CD8A: variants seen among roughly 807,000 people sequenced by gnomAD.
CD8A encodes the protein T-cell surface glycoprotein CD8 alpha chain.
CD8A carries 25 observed loss-of-function variants against 24.2 expected under a neutral mutation model. The ratio of observed to expected loss-of-function variants is 1.03; its 90% CI spans 0.75 to 1.44. The LOEUF (loss-of-function observed/expected upper bound fraction) is 1.44. Ranked by LOEUF, CD8A falls within the 40% of genes most tolerant of loss-of-function variation. The pLI, the probability that CD8A is intolerant of heterozygous loss-of-function variation, is 0.00. For synonymous variants in CD8A, 165 were observed against 149.9 expected (o/e 1.10, Z -0.74); for missense variants, 360 against 319.7 (o/e 1.13, Z -0.96).
At chr2:86,796,228 T>C (rs1673478699) in intron 3 of CD8A, among the ~76,000 whole-genome samples, 1 of 152,122 alleles carries the variant, frequency 6.6e-6, no homozygotes, top group Non-Finnish European at 1.5e-5. Flanking sequence ...GAGATGTATA[T>C]TAGCATGGTG....
intron 3 of CD8A, among the ~76,000 whole-genome samples, chr2:86,800,172 C>T (rs1673620610): frequency 6.6e-6 from 1 of 151,738 alleles, no homozygotes; most frequent in South Asian, 2.1e-4. Context: ...AAGATAAAAG[C>T]ATTTTGGCCA....
chr2:86,786,648 A>G (rs3020728), intron 5 of CD8A, among the ~76,000 whole-genome samples: 1 of 152,120 alleles, frequency 6.6e-6, no homozygotes, highest in Non-Finnish European at 1.5e-5. Flanking sequence ...ATTCATCTCA[A>G]AATGAGAGTT....
At chr2:86,789,001 C>A (rs1673141609) in intron 4 of CD8A, among the ~76,000 whole-genome samples, 1 of 152,184 alleles carries the variant, frequency 6.6e-6, no homozygotes, top group Non-Finnish European at 1.5e-5. Context: ...TTGACTCGGC[C>A]ACAGCGGCCC....
chr2:86,785,815 G>T lies in CD8A; in HGVS notation c.*105C>A. On this transcript the variant is annotated 3_prime_UTR_variant, in exon 6 of 6. Coordinates refer to ENST00000283635, the MANE Select transcript of CD8A (RefSeq NM_001768.7). ...GCCCCCACTAAAATAATAATCATGA[G>T]AATGAATACACAGGGAGGAAGACTG... 1 of 863,084 alleles carries T rather than the reference G, an allele frequency of 1.2e-6. No homozygotes were observed. The highest frequency in any genetic ancestry group is 2.0e-6 in the Non-Finnish European group (1 of 493,436). 53.5% of individuals were successfully genotyped at this position (863,084 alleles called of 1,614,324 possible).
upstream of CD8A, among the ~76,000 whole-genome samples, chr2:86,793,461 A>G (rs1003706788): frequency 2.6e-5 from 4 of 152,190 alleles, no homozygotes; most frequent in Non-Finnish European, 4.4e-5. Context: ...CTCGCTGTGT[A>G]GACACAGTGC....
intron 2 of CD8A, 48 bp from the exon 3 acceptor site, chr2:86,789,798 G>GACACCC: frequency 1.0e-6 from 1 of 987,980 alleles, no homozygotes; most frequent in Non-Finnish European, 1.3e-6. Flanking sequence ...GGGTTATGGA[G>GACACCC]GCGCCCCAGC....
chr2:86,788,499 G>A (rs749586775), intron 5 of CD8A, 31 bp downstream of exon 5: 2 of 1,509,768 alleles, frequency 1.3e-6, no homozygotes, highest in South Asian at 1.1e-5. Flanking sequence ...GGCTGGCCAA[G>A]GTGAGCAGGC....
upstream of CD8A, among the ~76,000 whole-genome samples, chr2:86,795,897 C>T (rs1304007692): frequency 1.3e-5 from 2 of 151,950 alleles, no homozygotes; most frequent in African/African-American, 2.4e-5. Flanking sequence ...CACACACACT[C>T]GAAATTCAAA....
At position 86,790,340 on chromosome 2, in the gene CD8A, C is replaced by T. The variant is rs1369127279; in HGVS notation, c.391G>A (p.Val131Ile). ...SIMYFSHFVP[V>I]FLPAKPTTTP... ...CCGGCGCGCGGACCTGGCAGGAAGACCGGCACGAAGTGGCTGAAGTACATG... is the reference window on the plus strand; with the variant it reads ...CCGGCGCGCGGACCTGGCAGGAAGATCGGCACGAAGTGGCTGAAGTACATG... The change falls in exon 2 of 6, where the codon GTC becomes ATC. Residue 131 changes from valine (V) to isoleucine (I), a missense_variant. Coordinates refer to ENST00000283635, the MANE Select transcript of CD8A (RefSeq NM_001768.7). 1.2e-6 allele frequency: 2 copies of T among 1,613,550 alleles called. No homozygotes were observed. The highest frequency in any genetic ancestry group is 2.2e-5 in the South Asian group (2 of 91,070).
Position 86,785,228 on chromosome 2 carries a change from C to G in CD8A, c.*692G>C. On this transcript the variant is annotated 3_prime_UTR_variant, in exon 6 of 6. Transcript: ENST00000283635. ...GAGGGATTCATTTTCCAGGGTTAAG[C>G]TCACCACTTCATTTTATTTTAGGTC... 4.4e-6 allele frequency: 2 copies of G among 453,794 alleles called. No individual in the cohort carries two copies. The highest frequency in any genetic ancestry group is 8.8e-6 in the Non-Finnish European group (2 of 226,750). The allele number at this position is 453,794 out of a possible 1,614,324, so 28.1% of individuals were successfully genotyped here. A position where few individuals can be genotyped will look rare whatever the true frequency, so the allele number is the denominator to read the frequency against.
At chr2:86,802,711 T>C (rs1271041184) in intron 2 of CD8A, among the ~76,000 whole-genome samples, 1 of 152,176 alleles carries the variant, frequency 6.6e-6, no homozygotes, top group Non-Finnish European at 1.5e-5. Context: ...GTTCAAGTGA[T>C]TCTCGTGTCT....
chr2:86,792,369 C>T (rs115253191), upstream of CD8A, among the ~76,000 whole-genome samples: 777 of 152,292 alleles, frequency 5.1e-3, 6 homozygotes, highest in Non-Finnish European at 7.4e-3. Flanking sequence ...AGGACCATGC[C>T]GAGACTTCAT....
chr2:86,806,719 C>T (rs536609196), intron 2 of CD8A, among the ~76,000 whole-genome samples: 3 of 152,300 alleles, frequency 2.0e-5, no homozygotes, highest in African/African-American at 7.2e-5. Flanking sequence ...CATCCTCCGG[C>T]TTGCACCACT....
At chr2:86,795,692 G>A (rs1673459461), upstream of CD8A, among the ~76,000 whole-genome samples, 1 of 152,100 alleles carries the variant, frequency 6.6e-6, no homozygotes, top group East Asian at 1.9e-4. Context: ...GAGGAAGGCT[G>A]GAGCCAGGCT....
intron 5 of CD8A, among the ~76,000 whole-genome samples, chr2:86,787,884 G>GGAGAGA (rs142344123): frequency 2.4e-4 from 34 of 144,664 alleles, no homozygotes; most frequent in African/African-American, 2.8e-4. Flanking sequence ...TAACAGAGAG[G>GGAGAGA]GAGAGAGAGA....
chr2:86,792,754 C>T (rs1283883225), upstream of CD8A, among the ~76,000 whole-genome samples: 1 of 151,556 alleles, frequency 6.6e-6, no homozygotes, highest in Non-Finnish European at 1.5e-5. Flanking sequence ...GCCTTGGCCT[C>T]CAAAGTGTTG....
chr2:86,791,177 G>A (rs764559070), upstream of CD8A: 153 of 517,036 alleles, frequency 3.0e-4, 2 homozygotes, highest in Non-Finnish European at 1.3e-4. Flanking sequence ...AGTGGGTGAA[G>A]GGAGACCAAA....
At position 86,785,161 on chromosome 2, in the gene CD8A, C is replaced by T. The variant is rs1344003733; in HGVS notation, c.*759G>A. On this transcript the variant is annotated 3_prime_UTR_variant, in exon 6 of 6. Coordinates refer to ENST00000283635, the MANE Select transcript of CD8A (RefSeq NM_001768.7). ...AATGCAAGGGCTGGGAGAGCAATTC[C>T]GCCTCCACATAGGGGTTTCACAGAG... is the stretch of plus-strand genomic sequence containing the variant. 5 of 453,872 alleles carry T rather than the reference C, an allele frequency of 1.1e-5. No individual in the cohort carries two copies. Among genetic ancestry groups the T allele is most frequent in the African/African-American group, 4.0e-5 (2 of 49,952 alleles). 28.1% of individuals were successfully genotyped at this position (453,872 alleles called of 1,614,324 possible).
Position 86,785,053 on chromosome 2 carries a change from C to T in CD8A, c.*867G>A. 1 of 454,058 alleles carries T rather than the reference C, an allele frequency of 2.2e-6. No homozygotes were observed. Among genetic ancestry groups the T allele is most frequent in the African/African-American group, 2.0e-5 (1 of 50,086 alleles). 28.1% of individuals were successfully genotyped at this position (454,058 alleles called of 1,614,324 possible). ...TGTTTGTATCTCAAATTCAGAGATT[C>T]AAGAGGGCCTTAGTTTAACCTCACT... On this transcript the variant is annotated 3_prime_UTR_variant, in exon 6 of 6. Transcript: ENST00000283635.
Sources: gnomAD v4.1 joint callset for allele counts (sites outside exome capture counted in the v4.1 genomes callset) on GRCh38, gnomAD v4.1.1 for gene constraint, MANE v1.5 for transcripts, NCBI Gene and HGNC (gene_info 2026-07-23, HGNC 2026-07-21) for gene names.